Variants in CCDC192 observed in about 807,000 individuals in gnomAD.
CCDC192 encodes the protein coiled-coil domain-containing protein 192.
At chr5:127,905,451 AAAG>A (rs372293595) in intron 6 of CCDC192, among the ~76,000 whole-genome samples, 6 of 152,322 alleles carry the variant, frequency 3.9e-5, no homozygotes, top group African/African-American at 1.4e-4. Context: ...TAGAAAACAA[AAAG>A]AAGTTTTGCA....
intron 5 of CCDC192, among the ~76,000 whole-genome samples, chr5:127,848,737 A>G (rs531335800): frequency 4.6e-5 from 7 of 152,348 alleles, no homozygotes; most frequent in African/African-American, 1.7e-4. Context: ...AGTATCTGGC[A>G]TGCAGAAAGT....
intron 3 of CCDC192, among the ~76,000 whole-genome samples, chr5:127,763,884 G>A (rs1277299409): frequency 6.6e-6 from 1 of 152,044 alleles, no homozygotes; most frequent in Non-Finnish European, 1.5e-5. Context: ...AACCCCAAGA[G>A]ACTTCTTTTC....
At chr5:127,924,428 C>T (rs1188684706) in intron 6 of CCDC192, among the ~76,000 whole-genome samples, 1 of 152,148 alleles carries the variant, frequency 6.6e-6, no homozygotes, top group Admixed American at 6.5e-5. Context: ...TAATGGTAAC[C>T]GTGCTGCCAA....
chr5:127,728,035 G>A (rs1312188649), intron 2 of CCDC192, among the ~76,000 whole-genome samples: 1 of 152,144 alleles, frequency 6.6e-6, no homozygotes, highest in African/African-American at 2.4e-5. Flanking sequence ...TGAGGACTAT[G>A]GGATTATGTA....
At position 127,743,523 on chromosome 5, in the gene CCDC192, T is replaced by C. The variant is rs1036511544; in HGVS notation, c.115-10745T>C. 4.1e-4 allele frequency among the ~76,000 whole-genome samples: 63 copies of C among 152,326 alleles called. 1 individual carries two copies. The highest frequency in any genetic ancestry group is 1.5e-3 in the African/African-American group (62 of 41,568). Reference sequence around the variant, plus strand: ...TGGTCACTTAGAATCAAGTCAGATATAGACCATGCCTTCCAGATTACAAGA... The same window carrying C: ...TGGTCACTTAGAATCAAGTCAGATACAGACCATGCCTTCCAGATTACAAGA... On this transcript the variant is annotated intron_variant, in intron 2 of 6. Coordinates refer to ENST00000514853, the MANE Select transcript of CCDC192 (RefSeq NM_001317938.2).
At chr5:127,874,782 A>G (rs1269468097) in intron 5 of CCDC192, among the ~76,000 whole-genome samples, 1 of 152,222 alleles carries the variant, frequency 6.6e-6, no homozygotes, top group East Asian at 1.9e-4. Context: ...CACAACAGAC[A>G]GCTTCTCCAA....
chr5:127,931,659 C>G (rs952910845), intron 6 of CCDC192, among the ~76,000 whole-genome samples: 1 of 152,048 alleles, frequency 6.6e-6, no homozygotes, highest in Non-Finnish European at 1.5e-5. Context: ...TTGGGAAGCT[C>G]TGTAAAAATA....
At chr5:127,911,980 G>C (rs565971944) in intron 6 of CCDC192, among the ~76,000 whole-genome samples, 9 of 151,760 alleles carry the variant, frequency 5.9e-5, no homozygotes, top group Non-Finnish European at 1.3e-4. Context: ...GGAGTGCTGT[G>C]GTGCAATCTG....
At position 127,843,460 on chromosome 5, in the gene CCDC192, C is replaced by T. The variant is rs189970714; in HGVS notation, c.412-32078C>T. ...ATAACTCTTTTTTTTTTTTTTGAGA[C>T]GGAATCTTGCTCAGTCGCCCAGGCT... On this transcript the variant is annotated intron_variant, in intron 5 of 6. Transcript: ENST00000514853. Among the ~76,000 whole-genome samples, 369 of 121,232 alleles carry T rather than the reference C, an allele frequency of 3.0e-3. 3 individuals are homozygous for T. Among genetic ancestry groups the T allele is most frequent in the South Asian group, 0.019 (71 of 3,804 alleles). The allele number at this position is 121,232 out of a possible 152,430, so 79.5% of individuals were successfully genotyped here. A position where few individuals can be genotyped will look rare whatever the true frequency, so the allele number is the denominator to read the frequency against.
At chr5:127,855,129 A>G (rs1436993032) in intron 5 of CCDC192, among the ~76,000 whole-genome samples, 4 of 152,198 alleles carry the variant, frequency 2.6e-5, no homozygotes, top group African/African-American at 9.6e-5. Context: ...TGTTTGCTGC[A>G]CTGATTGACT....
chr5:127,767,747 G>A (rs1256536498), intron 3 of CCDC192, among the ~76,000 whole-genome samples: 1 of 152,040 alleles, frequency 6.6e-6, no homozygotes, highest in Non-Finnish European at 1.5e-5. Flanking sequence ...TGGCCTGTTG[G>A]TAAATATTTC....
chr5:127,711,331 G>T (rs1751321416), intron 2 of CCDC192, among the ~76,000 whole-genome samples: 2 of 152,094 alleles, frequency 1.3e-5, no homozygotes, highest in Non-Finnish European at 2.9e-5. Flanking sequence ...CTTTATTAAA[G>T]AATCACTATT....
At chr5:127,815,676 G>T (rs1044514818) in intron 5 of CCDC192, among the ~76,000 whole-genome samples, 1 of 152,022 alleles carries the variant, frequency 6.6e-6, no homozygotes, top group Non-Finnish European at 1.5e-5. Context: ...AAACCATCCT[G>T]GCTAACAAGT....
rs1055385798 is a variant in CCDC192 at position 127,751,430 on chromosome 5, T to C, written c.115-2838T>C. 1.4e-3 allele frequency among the ~76,000 whole-genome samples: 217 copies of C among 152,250 alleles called. 3 individuals carry two copies. The highest frequency in any genetic ancestry group is 5.0e-3 in the African/African-American group (207 of 41,532). ...TTGAAAATTCTTTTCTTTAAGAATG[T>C]TGAATATTGGCCCCCACTCTCTTCT... On this transcript the variant is annotated intron_variant, in intron 2 of 6. Transcript: ENST00000514853.
chr5:127,707,824 T>A (rs1272679455), intron 2 of CCDC192, 64 bp downstream of exon 2: 3 of 396,220 alleles, frequency 7.6e-6, no homozygotes, highest in Non-Finnish European at 1.3e-5. Flanking sequence ...TGAAACTAAC[T>A]TCTTTAATTA....
rs553862920 is a variant in CCDC192 at position 127,774,765 on chromosome 5, A to T, written c.222+20390A>T. Among the ~76,000 whole-genome samples the T allele has an allele frequency of 2.6e-5, 4 of 152,268 alleles. No homozygotes were observed. In the South Asian group the frequency reaches 8.3e-4, roughly 32 times the overall value. ...TTGAGATTTCATATGAATTTTGAGG[A>T]CTGACTCTCTTATTCTGAAAAAAAG... On this transcript the variant is annotated intron_variant, in intron 3 of 6. Transcript: ENST00000514853.
rs545108597 is a variant in CCDC192, at chr5:127,830,158, G to A, written c.411+31996G>A. ...TGCAAAAAATACACAGATGCCTTTC[G>A]CAGTCTCAAAAAAAAAATCAAGGAT... is the stretch of plus-strand genomic sequence containing the variant. On this transcript the variant is annotated intron_variant, in intron 5 of 6. Coordinates refer to ENST00000514853, the MANE Select transcript of CCDC192 (RefSeq NM_001317938.2). Among the ~76,000 whole-genome samples the A allele has an allele frequency of 1.1e-4, 15 of 136,402 alleles. No homozygotes were observed. The East Asian group carries it at 2.7e-3, about 24-fold the overall frequency. 89.5% of individuals were successfully genotyped at this position (136,402 alleles called of 152,430 possible).
chr5:127,723,194 G>T (rs4836333), intron 2 of CCDC192, among the ~76,000 whole-genome samples: 8,425 of 151,898 alleles, frequency 0.055, 540 homozygotes, highest in East Asian at 0.27. Flanking sequence ...GTTTATTCCT[G>T]GGTATTTTAT....
chr5:127,753,657 G>A lies in CCDC192; in HGVS notation c.115-611G>A, dbSNP rs114731566. ...GAGCCAAGATCGTGCCCTTGCACTC[G>A]GCCTGGGCAACAAGAGCAAAACTCT... On this transcript the variant is annotated intron_variant, in intron 2 of 6. Coordinates refer to ENST00000514853, the MANE Select transcript of CCDC192 (RefSeq NM_001317938.2). 6.9e-3 allele frequency among the ~76,000 whole-genome samples: 1,047 copies of A among 150,802 alleles called. 15 individuals carry two copies. Among genetic ancestry groups the A allele is most frequent in the African/African-American group, 0.024 (989 of 41,056 alleles).
Sources: gnomAD v4.1 joint callset for allele counts (sites outside exome capture counted in the v4.1 genomes callset) on GRCh38, gnomAD v4.1.1 for gene constraint, MANE v1.5 for transcripts, NCBI Gene and HGNC (gene_info 2026-07-23, HGNC 2026-07-21) for gene names.